The following MACROD2 variants were observed in gnomAD, a reference collection of about 807,000 sequenced individuals.
MACROD2 encodes the protein mono-ADP ribosylhydrolase 2, also known as ADP-ribose glycohydrolase MACROD2.
A neutral mutation model predicts 70.4 loss-of-function variants in MACROD2; 36 were observed. That is an observed-to-expected ratio of 0.51 (90% CI 0.39 to 0.68). The LOEUF (loss-of-function observed/expected upper bound fraction) is 0.68. Among genes scored for constraint, MACROD2 ranks in the 30% least tolerant of loss-of-function variants. The probability of loss-of-function intolerance (pLI) is 0.00; values close to 1 mark genes in which losing one functional copy is unlikely to be tolerated. For missense variants in MACROD2, 496 were observed against 538.4 expected (o/e 0.92, Z 0.78); for synonymous variants, 172 against 178.8 (o/e 0.96, Z 0.30).
chr20:14,619,076 G>A (rs1983648766), intron 4 of MACROD2, among the ~76,000 whole-genome samples: 1 of 152,040 alleles, frequency 6.6e-6, no homozygotes, highest in South Asian at 2.1e-4. Flanking sequence ...AAATCCAAGG[G>A]ATTGGAAAAA....
intron 8 of MACROD2, among the ~76,000 whole-genome samples, chr20:15,636,334 A>G (rs1600697632): frequency 6.6e-6 from 1 of 152,214 alleles, no homozygotes; most frequent in East Asian, 1.9e-4. Context: ...AGACTGGAAT[A>G]GCTGCATCAT....
At chr20:15,519,301 T>A (rs2146526707) in intron 8 of MACROD2, among the ~76,000 whole-genome samples, 1 of 152,142 alleles carries the variant, frequency 6.6e-6, no homozygotes, top group South Asian at 2.1e-4. Context: ...TTTTTTGAAT[T>A]TTTTAGTAGA....
chr20:15,722,973 G>A (rs1293229585), intron 8 of MACROD2, among the ~76,000 whole-genome samples: 1 of 151,986 alleles, frequency 6.6e-6, no homozygotes, highest in Non-Finnish European at 1.5e-5. Flanking sequence ...TTACTAATAA[G>A]TTCATTCTTT....
chr20:15,403,342 GT>G (rs1295978888), intron 6 of MACROD2, among the ~76,000 whole-genome samples: 1 of 152,022 alleles, frequency 6.6e-6, no homozygotes, highest in Non-Finnish European at 1.5e-5. Context: ...CTATAATTCA[GT>G]TTTAATATAT....
chr20:15,516,443 T>C (rs982004874), intron 8 of MACROD2, among the ~76,000 whole-genome samples: 1 of 152,176 alleles, frequency 6.6e-6, no homozygotes, highest in Non-Finnish European at 1.5e-5. Flanking sequence ...TGATATACAA[T>C]TCCTGTCCTA....
intron 6 of MACROD2, among the ~76,000 whole-genome samples, chr20:15,231,522 G>A (rs1042227771): frequency 5.3e-5 from 8 of 152,028 alleles, no homozygotes; most frequent in Non-Finnish European, 5.9e-5. Context: ...GAGGCCTGAA[G>A]AGAATTTGCT....
intron 7 of MACROD2, among the ~76,000 whole-genome samples, chr20:15,493,171 C>T (rs564680383): frequency 1.2e-4 from 18 of 152,202 alleles, no homozygotes; most frequent in African/African-American, 4.1e-4. Context: ...GGACATTGGT[C>T]TCTAGAGCGC....
chr20:15,068,549 T>C (rs1374284673), intron 5 of MACROD2, among the ~76,000 whole-genome samples: 1 of 152,144 alleles, frequency 6.6e-6, no homozygotes, highest in Non-Finnish European at 1.5e-5. Context: ...CCTCATAGTG[T>C]TAGTTCATGT....
chr20:14,772,078 A>G (rs2123771957), intron 5 of MACROD2, among the ~76,000 whole-genome samples: 1 of 152,174 alleles, frequency 6.6e-6, no homozygotes. Context: ...CCGCCATCCT[A>G]GAAAGAGACA....
At chr20:14,881,426 C>G (rs928510094) in intron 5 of MACROD2, among the ~76,000 whole-genome samples, 1 of 151,918 alleles carries the variant, frequency 6.6e-6, no homozygotes, top group African/African-American at 2.4e-5. Context: ...CTTGACTTCC[C>G]TGTGCCTCAG....
intron 3 of MACROD2, among the ~76,000 whole-genome samples, chr20:14,117,929 C>A (rs2054535924): frequency 2.0e-5 from 3 of 152,128 alleles, no homozygotes; most frequent in African/African-American, 7.2e-5. Flanking sequence ...ATTTTACTTC[C>A]ATGACTAGGT....
intron 3 of MACROD2, among the ~76,000 whole-genome samples, chr20:14,414,085 C>G (rs1390813289): frequency 6.6e-6 from 1 of 152,154 alleles, no homozygotes; most frequent in Non-Finnish European, 1.5e-5. Flanking sequence ...AAAAAACATT[C>G]ATTTGCTGAC....
At position 14,700,748 on chromosome 20, in the gene MACROD2, C is replaced by G. The variant is rs575740003; in HGVS notation, c.418+15789C>G. 2.6e-4 allele frequency among the ~76,000 whole-genome samples: 40 copies of G among 152,200 alleles called. No individual in the cohort carries two copies. The Middle Eastern group carries it at 0.014, about 52-fold the overall frequency. On this transcript the variant is annotated intron_variant, in intron 5 of 17. Transcript: ENST00000684519. ...AATGTTGGTGCCTTTATGATGCATGCTGATTTGGACTCTGACACAGTCATA... is the reference window on the plus strand; with the variant it reads ...AATGTTGGTGCCTTTATGATGCATGGTGATTTGGACTCTGACACAGTCATA...
chr20:15,756,025 AG>A (rs958104452), intron 8 of MACROD2, among the ~76,000 whole-genome samples: 49 of 152,294 alleles, frequency 3.2e-4, no homozygotes, highest in African/African-American at 1.1e-3. Context: ...ATGGTACCTC[AG>A]GTTGCAGGGA....
chr20:15,400,180 C>T (rs2045910986), intron 6 of MACROD2, among the ~76,000 whole-genome samples: 1 of 152,210 alleles, frequency 6.6e-6, no homozygotes, highest in African/African-American at 2.4e-5. Flanking sequence ...ATTTAAGCAA[C>T]CTATAAAATA....
At chr20:15,486,198 A>AG (rs917756321) in intron 7 of MACROD2, among the ~76,000 whole-genome samples, 28 of 152,236 alleles carry the variant, frequency 1.8e-4, no homozygotes, top group African/African-American at 6.7e-4. Context: ...GTCAAGTTCC[A>AG]GGGGCAGAGA....
intron 4 of MACROD2, among the ~76,000 whole-genome samples, chr20:14,673,618 A>G (rs992040071): frequency 6.6e-6 from 1 of 152,056 alleles, no homozygotes; most frequent in Non-Finnish European, 1.5e-5. Flanking sequence ...AATTTCTTCA[A>G]CTATAAAATG....
At chr20:14,135,343 A>T (rs1221012677) in intron 3 of MACROD2, among the ~76,000 whole-genome samples, 1 of 152,184 alleles carries the variant, frequency 6.6e-6, no homozygotes, top group Non-Finnish European at 1.5e-5. Flanking sequence ...TTTAAGATTG[A>T]TTAAAATTTG....
At chr20:16,004,636 G>T (rs2066762534) in intron 15 of MACROD2, among the ~76,000 whole-genome samples, 1 of 152,190 alleles carries the variant, frequency 6.6e-6, no homozygotes, top group African/African-American at 2.4e-5. Flanking sequence ...CTTTATCTCG[G>T]CTGTTTGCTC....
Sources: gnomAD v4.1 joint callset for allele counts (sites outside exome capture counted in the v4.1 genomes callset) on GRCh38, gnomAD v4.1.1 for gene constraint, MANE v1.5 for transcripts, NCBI Gene and HGNC (gene_info 2026-07-23, HGNC 2026-07-21) for gene names.